Variants in CSMD3 observed in about 807,000 individuals in gnomAD.
The protein encoded by CSMD3 is CUB and sushi domain-containing protein 3.
CSMD3 carries 177 observed loss-of-function variants against 435.2 expected under a neutral mutation model. The observed-to-expected ratio is 0.41, with a 90% CI of 0.36 to 0.46. CSMD3 has a LOEUF of 0.46. Among genes scored for constraint, CSMD3 ranks in the 20% least tolerant of loss-of-function variants. The pLI, the probability that CSMD3 is intolerant of heterozygous loss-of-function variation, is 0.34. For missense variants in CSMD3, 4,265 were observed against 4,504.6 expected, an observed-to-expected ratio of 0.95 and a Z score of 1.52; for synonymous variants, 1,656 against 1,520.5, an observed-to-expected ratio of 1.09 and a Z score of -2.07.
At chr8:112,926,835 T>G (rs2082926534) in intron 9 of CSMD3, among the ~76,000 whole-genome samples, 1 of 151,956 alleles carries the variant, frequency 6.6e-6, no homozygotes, top group African/African-American at 2.4e-5. Flanking sequence ...ACATCAAGAG[T>G]AAATTTGTCT....
At chr8:113,115,765 A>G (rs942595173) in intron 4 of CSMD3, among the ~76,000 whole-genome samples, 2 of 152,220 alleles carry the variant, frequency 1.3e-5, no homozygotes, top group Non-Finnish European at 2.9e-5. Context: ...GTAAATGTCT[A>G]ATAATGTGCT....
At chr8:112,405,214 C>CAT (rs71309768) in intron 35 of CSMD3, among the ~76,000 whole-genome samples, 802 of 19,020 alleles carry the variant, frequency 0.042, 28 homozygotes, top group Middle Eastern at 0.083. Context: ...AAAAAACCCC[C>CAT]ATATATATAT....
At chr8:113,415,222 T>C in intron 1 of CSMD3, among the ~76,000 whole-genome samples, 1 of 152,184 alleles carries the variant, frequency 6.6e-6, no homozygotes, top group East Asian at 1.9e-4. Context: ...GAGTTTCAAA[T>C]GTCTTAAGGA....
chr8:112,287,383 A>G (rs1819311288), intron 57 of CSMD3, 137 bp from the exon 58 acceptor site: 1 of 758,354 alleles, frequency 1.3e-6, no homozygotes, highest in South Asian at 1.5e-5. Context: ...TGTAATTCAT[A>G]TTTCTTATCT....
In CSMD3 at chr8:112,586,532, C is replaced by A. The variant is rs1392959839; in HGVS notation, c.3885+534G>T. Among the ~76,000 whole-genome samples the A allele has an allele frequency of 2.0e-5, 3 of 151,188 alleles. 1 individual carries two copies. Among genetic ancestry groups the A allele is most frequent in the Non-Finnish European group, 4.4e-5 (3 of 67,500 alleles). ...TGTTTACACCGATAGTCATTATCAA[C>A]AAAGTATATTTTTTCTTAATTGATA... On this transcript the variant is annotated intron_variant, in intron 23 of 70. Transcript: ENST00000297405.
chr8:112,861,102 T>C (rs1308000619), intron 10 of CSMD3, among the ~76,000 whole-genome samples: 1 of 151,876 alleles, frequency 6.6e-6, no homozygotes, highest in Non-Finnish European at 1.5e-5. Context: ...TCGAGGTCTA[T>C]TCTGTTTTCC....
intron 45 of CSMD3, among the ~76,000 whole-genome samples, chr8:112,325,132 T>TA (rs529475717): frequency 3.3e-5 from 5 of 152,194 alleles, no homozygotes; most frequent in South Asian, 2.1e-4. Flanking sequence ...TCTTACTTCT[T>TA]AAAAAAATGT....
chr8:112,682,826 G>A (rs531442711), intron 15 of CSMD3, among the ~76,000 whole-genome samples, 190 bp from the exon 16 acceptor site: 1 of 152,182 alleles, frequency 6.6e-6, no homozygotes, highest in African/African-American at 2.4e-5. Flanking sequence ...TGCCTGTGAT[G>A]TGCAATAAAT....
chr8:113,354,059 T>C (rs2094206285), intron 1 of CSMD3, among the ~76,000 whole-genome samples: 1 of 152,170 alleles, frequency 6.6e-6, no homozygotes, highest in Non-Finnish European at 1.5e-5. Context: ...TAGACTATTC[T>C]TTGCACTTAG....
At chr8:113,357,882 T>C (rs1288293839) in intron 1 of CSMD3, among the ~76,000 whole-genome samples, 2 of 152,176 alleles carry the variant, frequency 1.3e-5, no homozygotes, top group Non-Finnish European at 2.9e-5. Context: ...GCCATGATTG[T>C]AAGTTTACTG....
In CSMD3 at chr8:113,314,726, T is replaced by A. The variant is rs2093896286; in HGVS notation, c.246A>T (p.Pro82=). 1 of 1,613,340 alleles carries A rather than the reference T, an allele frequency of 6.2e-7. No individual in the cohort carries two copies. The highest frequency in any genetic ancestry group is 1.3e-5 in the African/African-American group (1 of 75,042). The change falls in exon 2 of 71, where the codon CCA becomes CCT. Residue 82 remains proline, a synonymous_variant. Coordinates refer to ENST00000297405, the MANE Select transcript of CSMD3 (RefSeq NM_198123.2). ...LNGTIESPGF[P]YGYPNGANCT... Reference sequence around the variant, plus strand: ...AGTTTGCACCATTTGGATATCCATATGGAAAACCAGGGCTTTCTATAGTGC... The same window carrying A: ...AGTTTGCACCATTTGGATATCCATAAGGAAAACCAGGGCTTTCTATAGTGC...
At chr8:113,050,483 C>A (rs1480932165) in intron 5 of CSMD3, among the ~76,000 whole-genome samples, 1 of 151,770 alleles carries the variant, frequency 6.6e-6, no homozygotes, top group East Asian at 1.9e-4. Context: ...GTATCAGAAA[C>A]AAAAAGACTA....
chr8:112,997,134 A>G (rs2085684012), intron 6 of CSMD3, among the ~76,000 whole-genome samples: 1 of 151,690 alleles, frequency 6.6e-6, no homozygotes, highest in African/African-American at 2.4e-5. Flanking sequence ...ATATTTGGCA[A>G]AGGGCCTGAC....
At chr8:112,948,495 G>T (rs978562003) in intron 8 of CSMD3, among the ~76,000 whole-genome samples, 1 of 151,876 alleles carries the variant, frequency 6.6e-6, no homozygotes, top group Non-Finnish European at 1.5e-5. Context: ...TAGCTTTTGT[G>T]CACATTTTCA....
intron 5 of CSMD3, among the ~76,000 whole-genome samples, chr8:113,022,726 T>C (rs1299013373): frequency 6.6e-6 from 1 of 151,668 alleles, no homozygotes; most frequent in Non-Finnish European, 1.5e-5. Flanking sequence ...AATACTCTAG[T>C]TATTTGTATC....
At chr8:113,025,059 T>G (rs1417475295) in intron 5 of CSMD3, among the ~76,000 whole-genome samples, 1 of 152,180 alleles carries the variant, frequency 6.6e-6, no homozygotes, top group Non-Finnish European at 1.5e-5. Context: ...ATATATTATT[T>G]CTTTTTTTTT....
chr8:112,887,619 G>GT (rs2081645206), intron 10 of CSMD3, among the ~76,000 whole-genome samples: 1 of 151,070 alleles, frequency 6.6e-6, no homozygotes, highest in African/African-American at 2.4e-5. Flanking sequence ...TAATGCATAA[G>GT]TTTTTTCACA....
chr8:112,939,835 G>A (rs2083396252), intron 9 of CSMD3, among the ~76,000 whole-genome samples: 1 of 151,912 alleles, frequency 6.6e-6, no homozygotes, highest in Admixed American at 6.6e-5. Flanking sequence ...AGTGAAAAAT[G>A]GGTAGTCAAT....
At chr8:112,788,097 T>G (rs28669143) in intron 13 of CSMD3, among the ~76,000 whole-genome samples, 50,499 of 151,774 alleles carry the variant, frequency 0.33, 9,253 homozygotes, top group African/African-American at 0.5. Context: ...CCCATAAAAA[T>G]GAAAAATTAA....
Sources: gnomAD v4.1 joint callset for allele counts (sites outside exome capture counted in the v4.1 genomes callset) on GRCh38, gnomAD v4.1.1 for gene constraint, MANE v1.5 for transcripts, NCBI Gene and HGNC (gene_info 2026-07-23, HGNC 2026-07-21) for gene names.